SLC25A13: variants seen among roughly 807,000 people sequenced by gnomAD.
The protein encoded by SLC25A13 is electrogenic aspartate/glutamate antiporter SLC25A13, mitochondrial.
SLC25A13 carries 70 observed loss-of-function variants against 85.5 expected under a neutral mutation model. The observed-to-expected ratio is 0.82, with a 90% CI of 0.68 to 1.00. The LOEUF is 1.00. Ranked by LOEUF, SLC25A13 falls within the 50% of genes least tolerant of loss-of-function variation. The pLI is 0.00. For synonymous variants in SLC25A13, 259 were observed against 288.7 expected, an observed-to-expected ratio of 0.90 and a Z score of 1.04; for missense variants, 765 against 819.8, an observed-to-expected ratio of 0.93 and a Z score of 0.82.
At chr7:96,231,500 G>C (rs759190331) in intron 4 of SLC25A13, among the ~76,000 whole-genome samples, 1 of 152,150 alleles carries the variant, frequency 6.6e-6, no homozygotes, top group Non-Finnish European at 1.5e-5. Context: ...TGAGGCGGGT[G>C]AATCACCTGA....
intron 9 of SLC25A13, among the ~76,000 whole-genome samples, chr7:96,187,635 A>T (rs919052037): frequency 6.6e-6 from 1 of 152,176 alleles, no homozygotes; most frequent in Non-Finnish European, 1.5e-5. Context: ...GGAGGGACCT[A>T]CCACCACCAT....
rs571680514 is a variant in SLC25A13, at chr7:96,228,581, C to T, written c.328+6221G>A. ...TGGCAGTCCTCGCTCGCTCTAGGCGCCTCCTCGGCCTCGGCGCCCACTCTG... is the reference window on the plus strand; with the variant it reads ...TGGCAGTCCTCGCTCGCTCTAGGCGTCTCCTCGGCCTCGGCGCCCACTCTG... On this transcript the variant is annotated intron_variant, in intron 4 of 17. Coordinates refer to ENST00000265631, the MANE Select transcript of SLC25A13 (RefSeq NM_014251.3). 8.5e-5 allele frequency among the ~76,000 whole-genome samples: 13 copies of T among 152,348 alleles called. No homozygotes were observed. The East Asian group carries it at 2.1e-3, about 25-fold the overall frequency.
Position 96,289,505 on chromosome 7 carries a change from C to T in SLC25A13, c.69+7393G>A, listed in dbSNP as rs964440841. On this transcript the variant is annotated intron_variant, in intron 2 of 17. Coordinates refer to ENST00000265631, the MANE Select transcript of SLC25A13 (RefSeq NM_014251.3). ...AACCCAAAGCAAAGAAGCTAAAAAC[C>T]TTGAAAAAAAGATTGGACGAAAGGC... Among the ~76,000 whole-genome samples the T allele has an allele frequency of 2.6e-5, 4 of 152,174 alleles. No homozygotes were observed. In the South Asian group the frequency reaches 8.3e-4, roughly 32 times the overall value.
At chr7:96,169,769 A>G (rs769202374) in intron 13 of SLC25A13, 7 of 474,732 alleles carry the variant, frequency 1.5e-5, no homozygotes, top group South Asian at 7.3e-5. Context: ...TCAAAGGCCA[A>G]ACACTTCTGC....
chr7:96,288,680 G>C (rs113895548), intron 2 of SLC25A13, among the ~76,000 whole-genome samples: 3,163 of 152,294 alleles, frequency 0.021, 68 homozygotes, highest in African/African-American at 0.055. Context: ...TGCTAGCAAA[G>C]CAGTCTGAGA....
intron 3 of SLC25A13, among the ~76,000 whole-genome samples, chr7:96,274,349 G>A (rs1466983840): frequency 6.6e-6 from 1 of 152,114 alleles, no homozygotes; most frequent in East Asian, 1.9e-4. Flanking sequence ...ACTTGTTGAT[G>A]GCGCTGTTTG....
intron 1 of SLC25A13, among the ~76,000 whole-genome samples, chr7:96,320,412 C>T (rs1800296809): frequency 6.6e-6 from 1 of 152,144 alleles, no homozygotes; most frequent in South Asian, 2.1e-4. Context: ...AAAGTATTTA[C>T]ATTACCTGCA....
intron 1 of SLC25A13, among the ~76,000 whole-genome samples, chr7:96,310,347 T>G (rs1202018200): frequency 6.6e-6 from 1 of 152,234 alleles, no homozygotes; most frequent in African/African-American, 2.4e-5. Flanking sequence ...CAGCATGTCC[T>G]ACTTTCTGGA....
chr7:96,318,135 G>A (rs1800198478), intron 1 of SLC25A13, among the ~76,000 whole-genome samples: 1 of 152,152 alleles, frequency 6.6e-6, no homozygotes, highest in African/African-American at 2.4e-5. Flanking sequence ...ATGCTTTAAT[G>A]TGCCCCCAAA....
chr7:96,228,128 T>C (rs1796387760), intron 4 of SLC25A13, among the ~76,000 whole-genome samples: 1 of 152,198 alleles, frequency 6.6e-6, no homozygotes, highest in Non-Finnish European at 1.5e-5. Flanking sequence ...CCTCCCAAAG[T>C]GCTGGGATTA....
At chr7:96,131,721 G>T (rs772811349) in intron 15 of SLC25A13, 22 bp downstream of exon 15, 1 of 1,613,522 alleles carries the variant, frequency 6.2e-7, no homozygotes, top group East Asian at 2.2e-5. Context: ...GGAAGTAAGA[G>T]AACTCCATGG....
At chr7:96,195,396 CT>C (rs1397081354) in intron 5 of SLC25A13, among the ~76,000 whole-genome samples, 13 of 152,156 alleles carry the variant, frequency 8.5e-5, no homozygotes, top group African/African-American at 2.9e-4. Flanking sequence ...GCACCTTTTC[CT>C]TTTTGTTCCT....
At chr7:96,145,745 G>A (rs536210179) in intron 14 of SLC25A13, among the ~76,000 whole-genome samples, 1 of 152,264 alleles carries the variant, frequency 6.6e-6, no homozygotes, top group Non-Finnish European at 1.5e-5. Context: ...AGCTCAAGAT[G>A]CTGATTCAAA....
chr7:96,139,945 CTTTTTT>C (rs59749381), intron 14 of SLC25A13, among the ~76,000 whole-genome samples: 20 of 86,370 alleles, frequency 2.3e-4, no homozygotes, highest in African/African-American at 8.5e-4. Context: ...GATTTCCATT[CTTTTTT>C]TTTTTTTTTT....
chr7:96,316,959 C>T (rs146940080), intron 1 of SLC25A13, among the ~76,000 whole-genome samples: 26 of 152,078 alleles, frequency 1.7e-4, no homozygotes, highest in African/African-American at 5.1e-4. Flanking sequence ...CCTAATTATC[C>T]GATCTTTTTT....
At chr7:96,284,229 C>G (rs1411041946) in intron 2 of SLC25A13, among the ~76,000 whole-genome samples, 1 of 151,976 alleles carries the variant, frequency 6.6e-6, no homozygotes, top group African/African-American at 2.4e-5. Flanking sequence ...TATATACATA[C>G]AGAGAGACAC....
chr7:96,170,217 T>C, intron 12 of SLC25A13, 92 bp from the exon 13 acceptor site: 2 of 1,123,734 alleles, frequency 1.8e-6, no homozygotes, highest in South Asian at 1.3e-5. Flanking sequence ...ATGCTATTTT[T>C]TTCTATCAGT....
Position 96,146,609 on chromosome 7 carries a change from G to A in SLC25A13, c.1399C>T (p.Arg467Ter), listed in dbSNP as rs540149539. The A allele has an allele frequency of 7.4e-6, 12 of 1,613,592 alleles. No individual in the cohort carries two copies. Among genetic ancestry groups the A allele is most frequent in the East Asian group, 2.2e-5 (1 of 44,862 alleles). The change falls in exon 14 of 18, where the codon CGA (arginine) becomes TGA (stop). Residue 467 changes from arginine to a stop codon, truncating the protein, a stop_gained. Coordinates refer to ENST00000265631, the MANE Select transcript of SLC25A13 (RefSeq NM_014251.3). LOFTEE classifies it high-confidence loss of function. ...CGCACGACAGACAGAGCACTGACTC[G>A]AGGACCAGTGGTGATTTCTCCTGCC... is the stretch of plus-strand genomic sequence containing the variant. ...QVAGEITTGP[R>*]VSALSVVRDL...
intron 4 of SLC25A13, among the ~76,000 whole-genome samples, chr7:96,226,669 AAAAG>A (rs1584481094): frequency 1.3e-5 from 2 of 152,044 alleles, no homozygotes; most frequent in Non-Finnish European, 1.5e-5. Flanking sequence ...CATAAAAAAG[AAAAG>A]AAAGAAAAAG....
Sources: allele counts gnomAD v4.1 joint callset (sites outside exome capture counted in the v4.1 genomes callset), GRCh38; gene constraint gnomAD v4.1.1; transcripts MANE v1.5; gene names NCBI Gene and HGNC (gene_info 2026-07-23, HGNC 2026-07-21).